MAP4K4: variants seen among roughly 807,000 people sequenced by gnomAD.
The protein encoded by MAP4K4 is HPK/GCK-like kinase HGK.
MAP4K4 carries 38 observed loss-of-function variants against 189.6 expected under a neutral mutation model. The ratio of observed to expected loss-of-function variants is 0.20; its 90% CI spans 0.15 to 0.26. The LOEUF (loss-of-function observed/expected upper bound fraction) is 0.26, where lower values mean the gene tolerates loss of function less well. MAP4K4 is among the 10% of genes least tolerant of loss of function. MAP4K4 has a pLI of 1.00. For synonymous variants in MAP4K4, 610 were observed against 624.3 expected, an observed-to-expected ratio of 0.98 and a Z score of 0.34; for missense variants, 1,054 against 1,726.9, an observed-to-expected ratio of 0.61 and a Z score of 6.91.
At chr2:101,856,018 T>C in exon 13 of MAP4K4, 1 of 1,551,446 alleles carries the variant, frequency 6.4e-7, no homozygotes, top group Non-Finnish European at 8.7e-7. Flanking sequence ...AGCAGGAACG[T>C]GAACAGCGAA....
chr2:101,892,499 G>A (rs1427236926), exon 33 of MAP4K4: 1 of 195,676 alleles, frequency 5.1e-6, no homozygotes, highest in Non-Finnish European at 1.1e-5. Flanking sequence ...TGTTCTCGAT[G>A]TAGAGGGGTT....
chr2:101,852,137 G>GTT (rs113049423), intron 12 of MAP4K4, among the ~76,000 whole-genome samples: 2 of 142,752 alleles, frequency 1.4e-5, no homozygotes, highest in East Asian at 2.0e-4. Flanking sequence ...TAAAGGAGGT[G>GTT]TTTTTTTTTT....
intron 3 of MAP4K4, chr2:101,797,128 T>G: frequency 3.4e-6 from 3 of 884,026 alleles, no homozygotes; most frequent in Non-Finnish European, 4.6e-6. Context: ...ACCCTTTTCA[T>G]TTGGAGGGGA....
intron 2 of MAP4K4, among the ~76,000 whole-genome samples, chr2:101,759,839 C>T (rs533073655): frequency 8.0e-4 from 115 of 143,460 alleles, no homozygotes; most frequent in African/African-American, 2.9e-3. Context: ...TTCCCTTTTC[C>T]CTTTCCATCC....
chr2:101,701,704 G>A (rs911602299), intron 2 of MAP4K4, among the ~76,000 whole-genome samples: 3 of 151,948 alleles, frequency 2.0e-5, no homozygotes, highest in African/African-American at 4.8e-5. Flanking sequence ...TTTGAGAGAC[G>A]GATACTCATA....
chr2:101,716,209 C>G (rs762477004), intron 2 of MAP4K4, among the ~76,000 whole-genome samples: 12 of 152,108 alleles, frequency 7.9e-5, no homozygotes, highest in Admixed American at 3.9e-4. Flanking sequence ...TTTGGGAGGC[C>G]GAGGTGGGCG....
chr2:101,810,173 A>T (rs1383504580), intron 3 of MAP4K4, among the ~76,000 whole-genome samples: 1 of 152,188 alleles, frequency 6.6e-6, no homozygotes, highest in African/African-American at 2.4e-5. Context: ...TGGCTAAACC[A>T]TTGGGGTGAA....
At chr2:101,742,137 C>T (rs967054573) in intron 2 of MAP4K4, among the ~76,000 whole-genome samples, 1 of 152,154 alleles carries the variant, frequency 6.6e-6, no homozygotes, top group African/African-American at 2.4e-5. Flanking sequence ...GGAAGAATTG[C>T]AGAGGACCCT....
chr2:101,892,987 G>C (rs1283562521), exon 33 of MAP4K4: 1 of 456,356 alleles, frequency 2.2e-6, no homozygotes, highest in South Asian at 1.5e-5. Flanking sequence ...CTGTTTTTTA[G>C]GCTTGATCTT....
At chr2:101,794,997 T>A (rs1284125668) in intron 3 of MAP4K4, among the ~76,000 whole-genome samples, 2 of 152,130 alleles carry the variant, frequency 1.3e-5, no homozygotes, top group Admixed American at 6.6e-5. Flanking sequence ...GATTAAATAT[T>A]TTTTGGCAAG....
At chr2:101,859,176 G>A in intron 14 of MAP4K4, 94 bp downstream of exon 14, 1 of 1,151,952 alleles carries the variant, frequency 8.7e-7, no homozygotes, top group Non-Finnish European at 1.3e-6. Flanking sequence ...GACCATTTTG[G>A]TTTTGCTGTG....
rs1173608321 is a variant in MAP4K4, at chr2:101,790,785, G to A, written c.180+9G>A. ...TTATGGATGTCACTGAGGTAAGATTGAGTCACACACATTTTTAAATAATGT... is the reference window on the plus strand; with the variant it reads ...TTATGGATGTCACTGAGGTAAGATTAAGTCACACACATTTTTAAATAATGT... On this transcript the variant is annotated intron_variant, in intron 3 of 32. Transcript: ENST00000324219. The A allele has an allele frequency of 6.2e-7, 1 of 1,601,616 alleles. No homozygotes were observed. Among genetic ancestry groups the A allele is most frequent in the South Asian group, 1.1e-5 (1 of 89,564 alleles).
intron 3 of MAP4K4, among the ~76,000 whole-genome samples, chr2:101,793,609 C>T (rs1354231232): frequency 1.4e-5 from 2 of 144,258 alleles, no homozygotes; most frequent in African/African-American, 5.3e-5. Flanking sequence ...AGTTTCATCT[C>T]AGGAGCAAAA....
intron 2 of MAP4K4, among the ~76,000 whole-genome samples, chr2:101,724,957 T>C (rs938213620): frequency 6.6e-6 from 1 of 152,200 alleles, no homozygotes; most frequent in Non-Finnish European, 1.5e-5. Flanking sequence ...AAATTATAAA[T>C]AGTACTCAGT....
At chr2:101,776,110 T>A (rs1033986077) in intron 2 of MAP4K4, among the ~76,000 whole-genome samples, 1 of 152,198 alleles carries the variant, frequency 6.6e-6, no homozygotes, top group African/African-American at 2.4e-5. Flanking sequence ...CATCAAGCCG[T>A]AGTGGCAGTT....
At chr2:101,803,244 G>GTGT (rs1558993935) in intron 3 of MAP4K4, among the ~76,000 whole-genome samples, 13 of 41,022 alleles carry the variant, frequency 3.2e-4, no homozygotes, top group Admixed American at 1.0e-3. Flanking sequence ...TGATGATGAT[G>GTGT]ATGTGTGTGT....
At chr2:101,842,910 C>T (rs2096963909) in intron 11 of MAP4K4, among the ~76,000 whole-genome samples, 1 of 152,190 alleles carries the variant, frequency 6.6e-6, no homozygotes, top group African/African-American at 2.4e-5. Context: ...GTCCCCTTCT[C>T]CAGTCACTGA....
intron 2 of MAP4K4, among the ~76,000 whole-genome samples, chr2:101,755,159 G>C (rs1358389610): frequency 6.7e-6 from 1 of 149,486 alleles, no homozygotes; most frequent in East Asian, 2.0e-4. Flanking sequence ...AAAAAAATTA[G>C]TTTGTTGTTT....
chr2:101,781,300 A>C (rs1219135002), intron 2 of MAP4K4, among the ~76,000 whole-genome samples: 3 of 152,152 alleles, frequency 2.0e-5, no homozygotes, highest in African/African-American at 7.2e-5. Context: ...AGATGTCTCT[A>C]AAACTCTTCT....
Sources: gnomAD v4.1 joint callset for allele counts (sites outside exome capture counted in the v4.1 genomes callset) on GRCh38, gnomAD v4.1.1 for gene constraint, MANE v1.5 for transcripts, NCBI Gene and HGNC (gene_info 2026-07-23, HGNC 2026-07-21) for gene names.